The following GCN1 variants were observed in gnomAD, a reference collection of about 807,000 sequenced individuals.
GCN1 encodes GCN1 activator of EIF2AK4.
GCN1 carries 90 observed loss-of-function variants against 288.4 expected under a neutral mutation model. That is an observed-to-expected ratio of 0.31 (90% confidence interval 0.26 to 0.37). GCN1 has a LOEUF of 0.37. Ranked by LOEUF, GCN1 falls within the 10% of genes least tolerant of loss-of-function variation. GCN1 has a pLI of 1.00. For synonymous variants in GCN1, 1,386 were observed against 1,420.2 expected (o/e 0.98, Z 0.54); for missense variants, 2,586 against 3,419.9 (o/e 0.76, Z 6.08).
rs550954449 is a variant in GCN1 at position 120,158,906 on chromosome 12, G to A, written c.2750-291C>T. Among the ~76,000 whole-genome samples, 3 of 151,952 alleles carry A rather than the reference G, an allele frequency of 2.0e-5. No individual in the cohort carries two copies. Among genetic ancestry groups the A allele is most frequent in the Admixed American group, 2.0e-4 (3 of 15,248 alleles). ...GGGCGCCTGTAGTCCCAGCTACTCA[G>A]GAGGCTCAAGAAGGAGAATGGCATG... On this transcript the variant is annotated intron_variant, in intron 24 of 57. Transcript: ENST00000300648. This position sits in a 1 kb window ranked among gnomAD's most constrained non-coding sequence, Gnocchi z 4.3.
rs1594277395 is a variant in GCN1 at position 120,164,469 on chromosome 12, A to G, written c.1715T>C (p.Val572Ala). 6.2e-7 allele frequency: 1 copy of G among 1,614,060 alleles called. No individual in the cohort carries two copies. Among genetic ancestry groups the G allele is most frequent in the Admixed American group, 1.7e-5 (1 of 60,020 alleles). The change falls in exon 18 of 58, where the codon GTG becomes GCG. Residue 572 changes from valine to alanine, a missense_variant. This residue lies in a region of GCN1 where 913 missense variants were observed against 1,107.0 expected (regional missense o/e 0.82). Transcript: ENST00000300648. ...GACGTGCCAGGTGCGGCTCAGGAGC[A>G]CCGCCACCAGAGCCCGGTGGTACTG... ...VQQYHRALVA[V>A]LLSRTWHVRR...
chr12:120,152,160 G>A (rs1877578508), intron 33 of GCN1, among the ~76,000 whole-genome samples: 1 of 152,000 alleles, frequency 6.6e-6, no homozygotes, highest in Non-Finnish European at 1.5e-5. Flanking sequence ...CTCCTGAGTA[G>A]CTAGGAACAC....
intron 51 of GCN1, among the ~76,000 whole-genome samples, chr12:120,135,371 G>GTTTTT (rs376054982): frequency 6.8e-6 from 1 of 148,092 alleles, no homozygotes; most frequent in Non-Finnish European, 1.5e-5. Context: ...TTTTTGTTTT[G>GTTTTT]TTTTTTTTTT....
At chr12:120,169,938 C>G (rs1174002718) in intron 15 of GCN1, among the ~76,000 whole-genome samples, 2 of 152,196 alleles carry the variant, frequency 1.3e-5, no homozygotes, top group African/African-American at 4.8e-5. Flanking sequence ...GTATCATCTA[C>G]AAGCCTGTGT....
Position 120,164,378 on chromosome 12 carries a change from G to A in GCN1, c.1806C>T (p.His602=), listed in dbSNP as rs938227067. The change falls in exon 18 of 58, where the codon CAC becomes CAT. Residue 602 remains histidine, a synonymous_variant. Coordinates refer to ENST00000300648, the MANE Select transcript of GCN1 (RefSeq NM_006836.2). The part of the protein sequence containing the change: ...LSSLGGFKLA[H]GLLEELKTVL... ...CAGTCTTCAGCTCCTCCAAGAGTCC[G>A]TGCGCCAGCTTAAAGCCCCCAAGAG... is the stretch of plus-strand genomic sequence containing the variant. 6 of 1,614,162 alleles carry A rather than the reference G, an allele frequency of 3.7e-6. No individual in the cohort carries two copies. The highest frequency in any genetic ancestry group is 3.3e-5 in the Admixed American group (2 of 60,016).
At chr12:120,190,161 G>C (rs548461152) in intron 2 of GCN1, 137 bp downstream of exon 2, 20 of 584,300 alleles carry the variant, frequency 3.4e-5, no homozygotes, top group Admixed American at 2.7e-4. Context: ...GGAGGTGGAG[G>C]TTGCAATGAG....
In GCN1 at chr12:120,163,209, T is replaced by TGCCTCAGTCACCTCTCCA; in HGVS notation, c.1881_1898dup (p.Glu629_Gly634dup). On this transcript the variant is annotated inframe_insertion, in exon 19 of 58. Transcript: ENST00000300648. ...CCCGTGGAGGCACGTAGGCCTTGCC[T>TGCCTCAGTCACCTCTCCA]GCCTCAGTCACCTCTCCAGCATCAG... The TGCCTCAGTCACCTCTCCA allele has an allele frequency of 6.2e-7, 1 of 1,614,114 alleles. No individual in the cohort carries two copies. Among genetic ancestry groups the TGCCTCAGTCACCTCTCCA allele is most frequent in the Non-Finnish European group, 8.5e-7 (1 of 1,179,974 alleles).
intron 36 of GCN1, among the ~76,000 whole-genome samples, chr12:120,149,098 G>A (rs529960791): frequency 1.8e-4 from 16 of 89,754 alleles, no homozygotes; most frequent in Non-Finnish European, 2.6e-4. Flanking sequence ...GAGCTTTCCT[G>A]GGGGGGGAAA....
At chr12:120,157,382 T>C (rs1379875793) in intron 26 of GCN1, among the ~76,000 whole-genome samples, 1 of 152,236 alleles carries the variant, frequency 6.6e-6, no homozygotes, top group Non-Finnish European at 1.5e-5. Flanking sequence ...GGTGAGAGTA[T>C]AGCTCAGAAT....
intron 5 of GCN1, among the ~76,000 whole-genome samples, chr12:120,179,589 C>T (rs1244926831): frequency 6.6e-6 from 1 of 151,824 alleles, no homozygotes; most frequent in Non-Finnish European, 1.5e-5. Flanking sequence ...TTAGTAGAGA[C>T]GGGGTTTCAC....
rs753488308 is a variant in GCN1 at position 120,153,194 on chromosome 12, C to G, written c.4062+19G>C. 13 of 1,610,764 alleles carry G rather than the reference C, an allele frequency of 8.1e-6. No individual in the cohort carries two copies. The South Asian group carries it at 1.3e-4, about 16-fold the overall frequency. On this transcript the variant is annotated intron_variant, in intron 33 of 57. Transcript: ENST00000300648. The surrounding 1 kb of genome is among the most constrained non-coding windows in gnomAD (Gnocchi z 4.4). ...AATTCTCTAACCGACATGTGGGTCC[C>G]AGGCCAGATGGCAGGTACCTGCTGG...
In GCN1 at chr12:120,134,132, C is replaced by T. The variant is rs768944289; in HGVS notation, c.7317+159G>A. Among the ~76,000 whole-genome samples the T allele has an allele frequency of 2.0e-5, 3 of 152,054 alleles. No homozygotes were observed. ...TACCTGCCCCGTTTCCCTTGAAACC[C>T]GAGGAAATGTTGGTGAAGCATACAG... is the stretch of plus-strand genomic sequence containing the variant. On this transcript the variant is annotated intron_variant, in intron 53 of 57. Coordinates refer to ENST00000300648, the MANE Select transcript of GCN1 (RefSeq NM_006836.2). This position sits in a 1 kb window ranked among gnomAD's most constrained non-coding sequence, Gnocchi z 5.0.
Position 120,137,620 on chromosome 12 carries a change from G to A in GCN1, c.6588C>T (p.Gly2196=). ...TGGAGTCATTGAAGAGGCGGATCAGGCCCGAGACCAGGCTCCGCAGGTGGC... is the reference window on the plus strand; with the variant it reads ...TGGAGTCATTGAAGAGGCGGATCAGACCCGAGACCAGGCTCCGCAGGTGGC... ...YTSHLRSLVS[G]LIRLFNDSSP... The change falls in exon 49 of 58, where the codon GGC becomes GGT. Residue 2196 remains glycine, a synonymous_variant. Transcript: ENST00000300648. The surrounding 1 kb of genome is among the most constrained non-coding windows in gnomAD (Gnocchi z 5.2). 1 of 1,614,180 alleles carries A rather than the reference G, an allele frequency of 6.2e-7. No homozygotes were observed.
chr12:120,147,347 G>A (rs1016068092), intron 37 of GCN1, 75 bp from the exon 38 acceptor site: 2 of 724,938 alleles, frequency 2.8e-6, no homozygotes. Flanking sequence ...CCCAGAACTA[G>A]AATGGATCAG....
Position 120,174,115 on chromosome 12 carries a change from T to C in GCN1, c.1148A>G (p.Asn383Ser). ...VVSGPSSQVL[N>S]GIVAELFIPF... ...GATGAACAGCTCAGCCACGATCCCA[T>C]TCAGGACCTGACTGGAAGGTCCAGA... The change falls in exon 13 of 58, where the codon AAT (asparagine) becomes AGT (serine). Residue 383 changes from asparagine to serine, a missense_variant. Transcript: ENST00000300648. 6.2e-7 allele frequency: 1 copy of C among 1,609,426 alleles called. No individual in the cohort carries two copies. The highest frequency in any genetic ancestry group is 8.5e-7 in the Non-Finnish European group (1 of 1,175,670).
intron 7 of GCN1, 39 bp from the exon 8 acceptor site, chr12:120,177,791 C>T: frequency 7.0e-7 from 1 of 1,422,934 alleles, no homozygotes; most frequent in Admixed American, 1.7e-5. Flanking sequence ...CTGACATTCT[C>T]AAGTATCTCA....
chr12:120,179,038 A>T, intron 5 of GCN1, 88 bp from the exon 6 acceptor site: 1 of 1,084,126 alleles, frequency 9.2e-7, no homozygotes, highest in South Asian at 1.4e-5. Context: ...CCTCCATCAG[A>T]CCCTCCAAAT....
chr12:120,184,232 G>T lies in GCN1; in HGVS notation c.197C>A (p.Ser66Tyr). ...GATGGCTGCCTGCAAGGCCCTGCGG[G>T]AGGCTGCATCTCTAGGGGGAGAGGC... ...LTLHRYRDAA[S>Y]RRALQAAIQQ... The change falls in exon 4 of 58, where the codon TCC (serine) becomes TAC (tyrosine). Residue 66 changes from serine (S) to tyrosine (Y), a missense_variant. Physicochemically the swap from Ser to Tyr is moderately radical, Grantham distance 144 (BLOSUM62 -2). This residue lies in a region of GCN1 where 913 missense variants were observed against 1,107.0 expected (regional missense o/e 0.82). Transcript: ENST00000300648. The T allele has an allele frequency of 6.2e-7, 1 of 1,613,306 alleles. No homozygotes were observed.
At chr12:120,129,561 GC>G in intron 56 of GCN1, 67 bp from the exon 57 acceptor site, 1 of 1,160,562 alleles carries the variant, frequency 8.6e-7, no homozygotes, top group Non-Finnish European at 1.3e-6. Flanking sequence ...CAGCCCAAAT[GC>G]CCAGCCTCGA....
Sources: allele counts gnomAD v4.1 joint callset (sites outside exome capture counted in the v4.1 genomes callset), GRCh38; gene constraint gnomAD v4.1.1; regional missense constraint gnomAD v4.1.1; non-coding constraint Gnocchi (gnomAD v3.1); transcripts MANE v1.5; gene names NCBI Gene and HGNC (gene_info 2026-07-23, HGNC 2026-07-21).